Variants in CLPTM1L observed in about 807,000 individuals in gnomAD.
CLPTM1L encodes the protein CLPTM1 like.
Under a neutral mutation model 70.9 loss-of-function variants are expected in CLPTM1L, and 38 were observed. The observed-to-expected ratio is 0.54, with a 90% CI of 0.41 to 0.70. The LOEUF (loss-of-function observed/expected upper bound fraction) is 0.70, where lower values mean the gene tolerates loss of function less well. Ranked by LOEUF, CLPTM1L falls within the 30% of genes least tolerant of loss-of-function variation. The probability of loss-of-function intolerance (pLI) is 0.00; values close to 1 mark genes in which losing one functional copy is unlikely to be tolerated. For missense variants in CLPTM1L, 652 were observed against 705.9 expected, an observed-to-expected ratio of 0.92 and a Z score of 0.87; for synonymous variants, 339 against 299.9, an observed-to-expected ratio of 1.13 and a Z score of -1.35.
chr5:1,334,256 T>A (rs568162893), intron 7 of CLPTM1L, 33 bp downstream of exon 7: 6 of 1,561,062 alleles, frequency 3.8e-6, no homozygotes, highest in Non-Finnish European at 5.3e-6. Flanking sequence ...GCCCCCCAAG[T>A]GCCTGCGGCA....
At chr5:1,322,786 G>C in intron 13 of CLPTM1L, 91 bp downstream of exon 13, 1 of 1,330,650 alleles carries the variant, frequency 7.5e-7, no homozygotes, top group African/African-American at 1.4e-5. Context: ...AATCACAGGG[G>C]GGCTTGCCAC....
rs1265421044 is a variant in CLPTM1L, at chr5:1,342,797, T to C, written c.264-937A>G. ...AGAGATGGGGTTTTGTCACATTGCCTAGGCTGGTCTTGAACTGCTGGGCTC... is the reference window on the plus strand; with the variant it reads ...AGAGATGGGGTTTTGTCACATTGCCCAGGCTGGTCTTGAACTGCTGGGCTC... On this transcript the variant is annotated intron_variant, in intron 2 of 16. Coordinates refer to ENST00000320895, the MANE Select transcript of CLPTM1L (RefSeq NM_030782.5). This position sits in a 1 kb window ranked among gnomAD's most constrained non-coding sequence, Gnocchi z 4.3. Among the ~76,000 whole-genome samples the C allele has an allele frequency of 3.3e-5, 5 of 152,222 alleles. No individual in the cohort carries two copies. The highest frequency in any genetic ancestry group is 7.4e-5 in the Non-Finnish European group (5 of 68,024).
At chr5:1,335,963 G>A (rs369496261) in intron 5 of CLPTM1L, among the ~76,000 whole-genome samples, 8 of 151,416 alleles carry the variant, frequency 5.3e-5, no homozygotes, top group African/African-American at 1.5e-4. Context: ...CACCCTCCAC[G>A]TGCTGGAACA....
intron 16 of CLPTM1L, among the ~76,000 whole-genome samples, chr5:1,319,668 G>T (rs1463528677): frequency 6.6e-6 from 1 of 152,238 alleles, no homozygotes; most frequent in African/African-American, 2.4e-5. Context: ...AAGGGCACAG[G>T]GAAGTGTCAC....
intron 7 of CLPTM1L, among the ~76,000 whole-genome samples, chr5:1,333,984 G>T (rs1753378181): frequency 6.6e-6 from 1 of 152,128 alleles, no homozygotes; most frequent in Admixed American, 6.5e-5. Flanking sequence ...TCTCATTGGT[G>T]TGGACACTGC....
chr5:1,321,831 CAG>C lies in CLPTM1L; in HGVS notation c.1316-14_1316-13del. The C allele has an allele frequency of 1.2e-6, 2 of 1,612,880 alleles. No homozygotes were observed. Among genetic ancestry groups the C allele is most frequent in the Non-Finnish European group, 1.7e-6 (2 of 1,179,402 alleles). ...AAAGGCATAGACCCCTGCAGAAAGA[CAG>C]ACAGCACTCACGAGGTGCGGAGGGC... is the stretch of plus-strand genomic sequence containing the variant. On this transcript the variant is annotated splice_polypyrimidine_tract_variant and intron_variant, in intron 13 of 16. Transcript: ENST00000320895.
In CLPTM1L at chr5:1,335,142, G is replaced by A. The variant is rs746449854; in HGVS notation, c.711C>T (p.Leu237=). The A allele has an allele frequency of 1.2e-6, 2 of 1,613,736 alleles. No homozygotes were observed. Among genetic ancestry groups the A allele is most frequent in the Admixed American group, 1.7e-5 (1 of 60,038 alleles). ...VINRSTTELP[L]TVSYDKVSLG... The stretch of plus-strand genomic sequence containing the variant: ...GTGAGACCTTGTCGTAGGACACGGT[G>A]AGGGGCAGCTCGGTGGTGGAGCGGT... Residue 237 remains leucine (L), a synonymous_variant, in exon 6 of 17, where the codon CTC becomes CTT. Coordinates refer to ENST00000320895, the MANE Select transcript of CLPTM1L (RefSeq NM_030782.5).
intron 2 of CLPTM1L, among the ~76,000 whole-genome samples, chr5:1,343,417 G>A (rs774019601): frequency 6.6e-6 from 1 of 152,200 alleles, no homozygotes; most frequent in Non-Finnish European, 1.5e-5. Flanking sequence ...GGCTGACACT[G>A]TGCCAGGTCA....
At chr5:1,333,559 C>G (rs796271211) in intron 7 of CLPTM1L, among the ~76,000 whole-genome samples, 62 of 109,678 alleles carry the variant, frequency 5.7e-4, no homozygotes, top group African/African-American at 2.2e-3. Flanking sequence ...GTATACACAC[C>G]GGATGAGGAT....
At chr5:1,333,349 C>CTACTGTAGACACACGGG in intron 7 of CLPTM1L, among the ~76,000 whole-genome samples, 1 of 13,086 alleles carries the variant, frequency 7.6e-5, no homozygotes, top group Admixed American at 7.3e-4. Context: ...ATACACACCA[C>CTACTGTAGACACACGGG]ATGAGGATAA....
At chr5:1,344,229 C>G in intron 2 of CLPTM1L, 122 bp downstream of exon 2, 1 of 730,724 alleles carries the variant, frequency 1.4e-6, no homozygotes, top group Non-Finnish European at 2.4e-6. Context: ...TCTACCACTT[C>G]AAGACATTCG....
intron 5 of CLPTM1L, among the ~76,000 whole-genome samples, chr5:1,336,861 C>G (rs964726996): frequency 6.6e-6 from 1 of 152,196 alleles, no homozygotes; most frequent in Non-Finnish European, 1.5e-5. Context: ...GGGGACTGTT[C>G]TGAGAGCCGC....
chr5:1,324,671 A>G (rs111681203), intron 11 of CLPTM1L, 92 bp downstream of exon 11: 1 of 1,239,064 alleles, frequency 8.1e-7, no homozygotes, highest in Admixed American at 1.7e-5. Context: ...CTCCAAGGAG[A>G]CTTCCGCACT....
At chr5:1,324,066 C>T in intron 11 of CLPTM1L, 197 bp from the exon 12 acceptor site, 1 of 584,286 alleles carries the variant, frequency 1.7e-6, no homozygotes, top group Non-Finnish European at 3.0e-6. Flanking sequence ...AGGCACCGCA[C>T]ACGCCAGAGC....
rs1231116238 is a variant in CLPTM1L at position 1,344,812 on chromosome 5, G to A, written c.30C>T (p.Ser10=). 6 of 1,593,372 alleles carry A rather than the reference G, an allele frequency of 3.8e-6. No individual in the cohort carries two copies. The highest frequency in any genetic ancestry group is 5.1e-6 in the Non-Finnish European group (6 of 1,171,970). The change falls in exon 1 of 17, where the codon AGC becomes AGT. Residue 10 remains serine (S), a synonymous_variant. Coordinates refer to ENST00000320895, the MANE Select transcript of CLPTM1L (RefSeq NM_030782.5). ...AGACCACGAACACGCCCACCACCAA[G>A]CTGGTGAAGGAGCTGCGGCCGCTCC... The part of the protein sequence containing the change: MWSGRSSFT[S]LVVGVFVVYV...
At chr5:1,320,573 C>T (rs775350254) in intron 16 of CLPTM1L, 43 bp downstream of exon 16, 112 of 1,129,272 alleles carry the variant, frequency 9.9e-5, no homozygotes, top group Non-Finnish European at 1.4e-4. Context: ...GCAGCCACGC[C>T]GCTGAGACGG....
At chr5:1,331,041 C>G (rs564025103) in intron 8 of CLPTM1L, 6 of 152,892 alleles carry the variant, frequency 3.9e-5, no homozygotes, top group Admixed American at 1.3e-4. Flanking sequence ...GATACTGGAG[C>G]CAAATGCTCC....
chr5:1,323,064 G>A, intron 12 of CLPTM1L, 153 bp from the exon 13 acceptor site: 1 of 778,820 alleles, frequency 1.3e-6, no homozygotes, highest in Non-Finnish European at 2.1e-6. Context: ...TGCTGAGCCT[G>A]GTTCTCAAGC....
At chr5:1,323,046 A>C in intron 12 of CLPTM1L, 135 bp from the exon 13 acceptor site, 1 of 862,132 alleles carries the variant, frequency 1.2e-6, no homozygotes, top group East Asian at 2.6e-5. Context: ...GGCAGCCAAG[A>C]GCAGCAGTGC....
Sources: allele counts gnomAD v4.1 joint callset (sites outside exome capture counted in the v4.1 genomes callset), GRCh38; gene constraint gnomAD v4.1.1; non-coding constraint Gnocchi (gnomAD v3.1); transcripts MANE v1.5; gene names NCBI Gene and HGNC (gene_info 2026-07-23, HGNC 2026-07-21).